Variants in CTNNA3 observed in about 807,000 individuals in gnomAD.
The protein encoded by CTNNA3 is catenin alpha 3.
In CTNNA3, 76 loss-of-function variants were observed where a neutral mutation model predicts 95.7. The ratio of observed to expected loss-of-function variants is 0.79; its 90% CI spans 0.66 to 0.96. The LOEUF (loss-of-function observed/expected upper bound fraction) is 0.96, where lower values mean the gene tolerates loss of function less well. CTNNA3 is among the 40% of genes least tolerant of loss of function. The pLI, the probability that CTNNA3 is intolerant of heterozygous loss-of-function variation, is 0.00. For synonymous variants in CTNNA3, 431 were observed against 374.4 expected (o/e 1.15, Z -1.74); for missense variants, 1,191 against 1,089.8 (o/e 1.09, Z -1.31).
intron 7 of CTNNA3, among the ~76,000 whole-genome samples, chr10:67,028,240 T>TTTG (rs1330984749): frequency 5.3e-5 from 8 of 152,154 alleles, no homozygotes; most frequent in Non-Finnish European, 8.8e-5. Context: ...TCATTGTTTG[T>TTTG]TTGTTGTTGT....
chr10:66,052,219 T>C (rs1564605307), intron 15 of CTNNA3, among the ~76,000 whole-genome samples: 1 of 152,178 alleles, frequency 6.6e-6, no homozygotes, highest in Non-Finnish European at 1.5e-5. Flanking sequence ...GAATGATAAC[T>C]AATATTTGTA....
intron 15 of CTNNA3, among the ~76,000 whole-genome samples, chr10:66,035,482 G>A (rs1351216201): frequency 6.6e-6 from 1 of 150,678 alleles, no homozygotes; most frequent in African/African-American, 2.4e-5. Context: ...GAAGAAATAG[G>A]TCAATATTCC....
chr10:66,644,957 TC>T, intron 9 of CTNNA3, among the ~76,000 whole-genome samples: 1 of 152,294 alleles, frequency 6.6e-6, no homozygotes, highest in African/African-American at 2.4e-5. Flanking sequence ...CACTAACTAT[TC>T]CCCATTTCTA....
At chr10:66,559,289 G>A (rs1344707023) in intron 10 of CTNNA3, among the ~76,000 whole-genome samples, 1 of 151,930 alleles carries the variant, frequency 6.6e-6, no homozygotes, top group African/African-American at 2.4e-5. Context: ...TTAAAAATAA[G>A]GACAAAAGGA....
chr10:67,417,887 C>T (rs1176107170), intron 5 of CTNNA3, among the ~76,000 whole-genome samples: 1 of 152,076 alleles, frequency 6.6e-6, no homozygotes, highest in East Asian at 1.9e-4. Flanking sequence ...AAGCATATGT[C>T]CACACAAAAC....
chr10:65,927,688 AATTC>A (rs1187313181), intron 17 of CTNNA3, among the ~76,000 whole-genome samples: 2 of 152,140 alleles, frequency 1.3e-5, no homozygotes, highest in African/African-American at 2.4e-5. Context: ...GCAATTTGTT[AATTC>A]ATTATCTTTG....
chr10:66,420,999 T>C, intron 11 of CTNNA3, among the ~76,000 whole-genome samples: 1 of 152,040 alleles, frequency 6.6e-6, no homozygotes, highest in Non-Finnish European at 1.5e-5. Flanking sequence ...ATAGCAAAGA[T>C]ATAGAACCAA....
intron 7 of CTNNA3, among the ~76,000 whole-genome samples, chr10:66,897,485 A>T (rs1845546780): frequency 6.6e-6 from 1 of 152,166 alleles, no homozygotes; most frequent in African/African-American, 2.4e-5. Context: ...AAGAAAATTT[A>T]AAAAGGGAAT....
At chr10:67,596,633 G>T (rs764662310) in intron 3 of CTNNA3, among the ~76,000 whole-genome samples, 5 of 152,176 alleles carry the variant, frequency 3.3e-5, no homozygotes, top group Admixed American at 6.5e-5. Context: ...CTGCTGAAAG[G>T]TCCACTATTA....
intron 7 of CTNNA3, among the ~76,000 whole-genome samples, chr10:67,083,770 C>T (rs1857167002): frequency 6.6e-6 from 1 of 152,118 alleles, no homozygotes; most frequent in Admixed American, 6.6e-5. Flanking sequence ...ATTCAAAATA[C>T]ATTAGTTCTC....
intron 5 of CTNNA3, among the ~76,000 whole-genome samples, chr10:67,414,474 G>A (rs553678172): frequency 2.8e-4 from 42 of 152,140 alleles, no homozygotes; most frequent in African/African-American, 9.4e-4. Context: ...CCTGGACCAA[G>A]TGAATTCACA....
intron 10 of CTNNA3, among the ~76,000 whole-genome samples, chr10:66,568,414 G>A (rs1372076019): frequency 2.6e-5 from 4 of 152,112 alleles, no homozygotes; most frequent in African/African-American, 7.2e-5. Flanking sequence ...CAATGTATGA[G>A]TTATATCCCT....
At chr10:67,299,685 C>G (rs1027434545) in intron 5 of CTNNA3, among the ~76,000 whole-genome samples, 1 of 152,184 alleles carries the variant, frequency 6.6e-6, no homozygotes, top group African/African-American at 2.4e-5. Context: ...TAAATCAGGA[C>G]CACACAGTTT....
At chr10:67,437,413 A>T (rs1253396505) in intron 5 of CTNNA3, among the ~76,000 whole-genome samples, 1 of 152,112 alleles carries the variant, frequency 6.6e-6, no homozygotes, top group African/African-American at 2.4e-5. Context: ...CTCACAAATC[A>T]CCACTAAAGA....
At chr10:66,735,050 AT>A (rs1356907369) in intron 9 of CTNNA3, among the ~76,000 whole-genome samples, 9 of 151,524 alleles carry the variant, frequency 5.9e-5, no homozygotes, top group Non-Finnish European at 8.8e-5. Context: ...ATAAAACAAT[AT>A]TTTTTATTAT....
At chr10:66,464,003 T>C (rs1339385696) in intron 11 of CTNNA3, among the ~76,000 whole-genome samples, 2 of 152,030 alleles carry the variant, frequency 1.3e-5, no homozygotes, top group East Asian at 1.9e-4. Flanking sequence ...CATCTACAAA[T>C]TGTATTGTTG....
intron 14 of CTNNA3, among the ~76,000 whole-genome samples, chr10:66,089,580 CT>C (rs2081133063): frequency 6.6e-6 from 1 of 151,752 alleles, no homozygotes; most frequent in African/African-American, 2.4e-5. Flanking sequence ...ATATGAATCC[CT>C]TATGATTTGA....
At position 65,988,730 on chromosome 10, in the gene CTNNA3, A is replaced by G; in HGVS notation, c.2227T>C (p.Ser743Pro). 2 of 1,613,928 alleles carry G rather than the reference A, an allele frequency of 1.2e-6. No individual in the cohort carries two copies. Among genetic ancestry groups the G allele is most frequent in the Admixed American group, 1.7e-5 (1 of 60,020 alleles). Reference protein sequence around the residue: ...YAAKMISESGSRMDVLARQIA... With the variant: ...YAAKMISESGPRMDVLARQIA... ...TGCCGAGCAAGGACATCCATCCTTG[A>G]TCCTGATTCTGATATCATTTTCGCT... is the stretch of plus-strand genomic sequence containing the variant. Residue 743 changes from serine to proline, a missense_variant, in exon 16 of 18, where the codon TCA becomes CCA. Transcript: ENST00000433211.
intron 5 of CTNNA3, among the ~76,000 whole-genome samples, chr10:67,422,227 T>C (rs1013870987): frequency 5.9e-5 from 9 of 152,194 alleles, no homozygotes; most frequent in African/African-American, 9.7e-5. Context: ...GATAATATTA[T>C]ATCAATGTTA....
Sources: allele counts gnomAD v4.1 joint callset (sites outside exome capture counted in the v4.1 genomes callset), GRCh38; gene constraint gnomAD v4.1.1; transcripts MANE v1.5; gene names NCBI Gene and HGNC (gene_info 2026-07-23, HGNC 2026-07-21).